The following HHLA1 variants were observed in gnomAD, a reference collection of about 807,000 sequenced individuals.
HHLA1 encodes HERV-H LTR-associating protein 1.
In HHLA1, 72 loss-of-function variants were observed where a neutral mutation model predicts 69.9. The observed-to-expected ratio is 1.03, with a 90% CI of 0.85 to 1.25. HHLA1 has a LOEUF of 1.25. HHLA1 is among the 50% of genes most tolerant of loss of function. The probability of loss-of-function intolerance (pLI) is 0.00; values close to 1 mark genes in which losing one functional copy is unlikely to be tolerated. For missense variants in HHLA1, 685 were observed against 642.2 expected, an observed-to-expected ratio of 1.07 and a Z score of -0.72; for synonymous variants, 252 against 233.2, an observed-to-expected ratio of 1.08 and a Z score of -0.73.
At chr8:132,093,958 C>T (rs562728955) in intron 7 of HHLA1, among the ~76,000 whole-genome samples, 9 of 152,224 alleles carry the variant, frequency 5.9e-5, no homozygotes, top group Middle Eastern at 3.4e-3. Flanking sequence ...ATTAGTAATT[C>T]TTTCCTTTAA....
At chr8:132,104,661 A>T (rs67271223) in intron 2 of HHLA1, among the ~76,000 whole-genome samples, 28,077 of 152,080 alleles carry the variant, frequency 0.18, 2,639 homozygotes, top group East Asian at 0.22. Context: ...AAAGAAGGCC[A>T]ACAGTGATGG....
chr8:132,062,976 T>G lies in HHLA1; in HGVS notation c.*1019A>C, dbSNP rs1823378179. 1.3e-5 allele frequency: 2 copies of G among 152,170 alleles called. No individual in the cohort carries two copies. 9.4% of individuals were successfully genotyped at this position (152,170 alleles called of 1,614,324 possible). The stretch of plus-strand genomic sequence containing the variant: ...TAGGTCGTGCAGTATCAGCTTGACC[T>G]CTAGAGGGACTGGAGACTGAATAAC... On this transcript the variant is annotated 3_prime_UTR_variant, in exon 17 of 17. Transcript: ENST00000414222.
chr8:132,070,326 T>G (rs1222093152), intron 15 of HHLA1: 1 of 702,100 alleles, frequency 1.4e-6, no homozygotes, highest in Admixed American at 2.0e-5. Context: ...GCTTTTTAAT[T>G]TAAGTTTTCC....
At chr8:132,104,853 T>C (rs1824177567) in intron 2 of HHLA1, among the ~76,000 whole-genome samples, 1 of 152,066 alleles carries the variant, frequency 6.6e-6, no homozygotes, top group Admixed American at 6.6e-5. Flanking sequence ...ACAAGATTTA[T>C]GAAAAGATCA....
intron 4 of HHLA1, among the ~76,000 whole-genome samples, chr8:132,099,242 G>C (rs1283949953): frequency 6.6e-6 from 1 of 152,180 alleles, no homozygotes; most frequent in African/African-American, 2.4e-5. Context: ...GGAGAGACTC[G>C]GGACTCATAT....
rs944349182 is a variant in HHLA1, at chr8:132,079,674, G to A, written c.925+44C>T. The A allele has an allele frequency of 1.6e-5, 24 of 1,495,966 alleles. No individual in the cohort carries two copies. The Admixed American group carries it at 5.1e-4, about 32-fold the overall frequency. The allele number at this position is 1,495,966 out of a possible 1,614,324, so 92.7% of individuals were successfully genotyped here. A position where few individuals can be genotyped will look rare whatever the true frequency, so the allele number is the denominator to read the frequency against. ...ATATGTGAGCCTAGAGGTAACAGGA[G>A]CGAGACATAGCAAAGGGGAGGAAAG... On this transcript the variant is annotated intron_variant, in intron 11 of 16. Coordinates refer to ENST00000414222, the MANE Select transcript of HHLA1 (RefSeq NM_001145095.3).
In HHLA1 at chr8:132,104,782, A is replaced by G. The variant is rs115084224; in HGVS notation, c.79+405T>C. On this transcript the variant is annotated intron_variant, in intron 2 of 16. Coordinates refer to ENST00000414222, the MANE Select transcript of HHLA1 (RefSeq NM_001145095.3). Reference sequence around the variant, plus strand: ...GTACACTACACAGAGAGAAGTAGGAACTCCGCAAATAATTTGGGGCAGAGG... The same window carrying G: ...GTACACTACACAGAGAGAAGTAGGAGCTCCGCAAATAATTTGGGGCAGAGG... Among the ~76,000 whole-genome samples, 711 of 152,174 alleles carry G rather than the reference A, an allele frequency of 4.7e-3. 7 individuals are homozygous for G. Among genetic ancestry groups the G allele is most frequent in the African/African-American group, 0.016 (666 of 41,506 alleles).
At chr8:132,089,458 T>C in intron 8 of HHLA1, 58 bp downstream of exon 8, 1 of 912,644 alleles carries the variant, frequency 1.1e-6, no homozygotes, top group Admixed American at 2.0e-5. Flanking sequence ...TGCTTCATTA[T>C]CTACCACAAC....
In HHLA1 at chr8:132,100,132, A is replaced by G; in HGVS notation, c.142T>C (p.Ser48Pro). Reference sequence around the variant, plus strand: ...TTCCTCTCTTCTTCTCTAAGGCCAGACACTGGGAAGGAGACAGTTTTCATG... The same window carrying G: ...TTCCTCTCTTCTTCTCTAAGGCCAGGCACTGGGAAGGAGACAGTTTTCATG... Reference protein sequence around the residue: ...KGMTFLPTTVSGLREEERKEK... With the variant: ...KGMTFLPTTVPGLREEERKEK... The change falls in exon 4 of 17, where the codon TCT (serine) becomes CCT (proline). Residue 48 changes from serine to proline, a missense_variant and splice_region_variant. Coordinates refer to ENST00000414222, the MANE Select transcript of HHLA1 (RefSeq NM_001145095.3). 1 of 1,550,228 alleles carries G rather than the reference A, an allele frequency of 6.5e-7. No individual in the cohort carries two copies. Among genetic ancestry groups the G allele is most frequent in the Non-Finnish European group, 8.7e-7 (1 of 1,145,672 alleles).
chr8:132,071,470 C>G lies in HHLA1; in HGVS notation c.1339G>C (p.Val447Leu). The change falls in exon 15 of 17, where the codon GTG becomes CTG. Residue 447 changes from valine (V) to leucine (L), a missense_variant. By Grantham distance (32) the Val-to-Leu change is conservative. Coordinates refer to ENST00000414222, the MANE Select transcript of HHLA1 (RefSeq NM_001145095.3). Reference protein sequence around the residue: ...VSRCPQPLFKVGAMAAAPLTL... With the variant: ...VSRCPQPLFKLGAMAAAPLTL... ...AGAGGAGCAGCTGCCATAGCTCCCACCTTGAAGAGTGGCTGAGGACACCCT... is the reference window on the plus strand; with the variant it reads ...AGAGGAGCAGCTGCCATAGCTCCCAGCTTGAAGAGTGGCTGAGGACACCCT... The G allele has an allele frequency of 6.4e-7, 1 of 1,551,586 alleles. No individual in the cohort carries two copies. The highest frequency in any genetic ancestry group is 8.7e-7 in the Non-Finnish European group (1 of 1,146,926).
rs1329411009 is a variant in HHLA1, at chr8:132,098,942, C to T, written c.220G>A (p.Asp74Asn). 2 of 1,550,558 alleles carry T rather than the reference C, an allele frequency of 1.3e-6. No individual in the cohort carries two copies. Among genetic ancestry groups the T allele is most frequent in the African/African-American group, 1.4e-5 (1 of 73,072 alleles). Reference protein sequence around the residue: ...ATTELPARSIDLSALNLTELV... With the variant: ...ATTELPARSINLSALNLTELV... ...TCTGTCAGGTTAAGCGCGGACAGAT[C>T]GATTGACCTTGCGGGCAGCTCTGAA... Residue 74 changes from aspartate to asparagine, a missense_variant, in exon 5 of 17, where the codon GAT (aspartate) becomes AAT (asparagine). Asp to Asn is a conservative substitution (Grantham distance 23). Coordinates refer to ENST00000414222, the MANE Select transcript of HHLA1 (RefSeq NM_001145095.3).
At chr8:132,110,517 TTACATATAGTAACCC>T (rs1484367863) in intron 1 of HHLA1, among the ~76,000 whole-genome samples, 3 of 152,234 alleles carry the variant, frequency 2.0e-5, no homozygotes, top group Non-Finnish European at 4.4e-5. Flanking sequence ...GCTAGGAGTT[TTACATATAGTAACCC>T]ATTGGTCCTT....
chr8:132,110,591 G>C (rs974057991), intron 1 of HHLA1, among the ~76,000 whole-genome samples: 71 of 152,280 alleles, frequency 4.7e-4, no homozygotes, highest in African/African-American at 1.7e-3. Context: ...TATAGCTTTA[G>C]GAAACCAAGC....
rs1306325438 is a variant in HHLA1 at position 132,084,800 on chromosome 8, AG to A, written c.676+2852del. Reference sequence around the variant, plus strand: ...GGTGGTTCTTGCCCTCCAGAAAAGTAGAGAAGGGGTTGGGGCACAGAAATAA... The same window carrying A: ...GGTGGTTCTTGCCCTCCAGAAAAGTAAGAAGGGGTTGGGGCACAGAAATAA... On this transcript the variant is annotated intron_variant, in intron 10 of 16. Transcript: ENST00000414222. Among the ~76,000 whole-genome samples the A allele has an allele frequency of 3.3e-5, 5 of 151,392 alleles. No homozygotes were observed. The East Asian group carries it at 5.8e-4, about 18-fold the overall frequency.
intron 14 of HHLA1, among the ~76,000 whole-genome samples, chr8:132,075,311 G>A (rs1371201510): frequency 1.3e-5 from 2 of 152,146 alleles, no homozygotes; most frequent in Non-Finnish European, 2.9e-5. Flanking sequence ...AGGAGTGGGA[G>A]GAGCCTGAGA....
intron 3 of HHLA1, chr8:132,101,284 A>T (rs34842500): frequency 0.59 from 908,681 of 1,548,780 alleles, 268,182 homozygotes; most frequent in Admixed American, 0.66. Context: ...CTGAAATAAA[A>T]GTTTTCATGA....
At chr8:132,083,485 C>T (rs1278934333) in intron 10 of HHLA1, among the ~76,000 whole-genome samples, 2 of 152,088 alleles carry the variant, frequency 1.3e-5, no homozygotes, top group African/African-American at 4.8e-5. Context: ...CCGAGGCAAT[C>T]GGGCAGTGTC....
chr8:132,071,487 G>A lies in HHLA1; in HGVS notation c.1322C>T (p.Pro441Leu). ...VPRPHQVSRC[P>L]QPLFKVGAMA... ...AGCTCCCACCTTGAAGAGTGGCTGA[G>A]GACACCCTAGAAGATGCAATCCCAG... Residue 441 changes from proline (P) to leucine (L), a missense_variant, in exon 15 of 17, where the codon CCT becomes CTT. Pro to Leu is a moderately conservative substitution (Grantham distance 98). Transcript: ENST00000414222. The A allele has an allele frequency of 1.9e-6, 3 of 1,551,260 alleles. No homozygotes were observed. The highest frequency in any genetic ancestry group is 2.6e-6 in the Non-Finnish European group (3 of 1,146,756).
chr8:132,095,666 C>A, intron 6 of HHLA1, 37 bp downstream of exon 6: 1 of 1,521,920 alleles, frequency 6.6e-7, no homozygotes. Context: ...CACATCCCTA[C>A]CACCACCACC....
Sources: gnomAD v4.1 joint callset for allele counts (sites outside exome capture counted in the v4.1 genomes callset) on GRCh38, gnomAD v4.1.1 for gene constraint, MANE v1.5 for transcripts, NCBI Gene and HGNC (gene_info 2026-07-23, HGNC 2026-07-21) for gene names.